Variants in SNX18 observed in about 807,000 individuals in gnomAD.
SNX18 encodes the protein sorting nexin-18.
Under a neutral mutation model 48.7 loss-of-function variants are expected in SNX18, and 35 were observed. The ratio of observed to expected loss-of-function variants is 0.72; its 90% CI spans 0.55 to 0.95. SNX18 has a LOEUF of 0.95. Ranked by LOEUF, SNX18 falls within the 40% of genes least tolerant of loss-of-function variation. The probability of loss-of-function intolerance (pLI) is 0.00; values close to 1 mark genes in which losing one functional copy is unlikely to be tolerated. For missense variants in SNX18, 824 were observed against 871.0 expected (o/e 0.95, Z 0.68); for synonymous variants, 492 against 384.7 (o/e 1.28, Z -3.26).
chr5:54,623,405 T>C, the SNX18 span, among the ~76,000 whole-genome samples: 1 of 152,086 alleles, frequency 6.6e-6, no homozygotes, highest in East Asian at 1.9e-4. Context: ...CAGGAGGCAG[T>C]GTAGCCCAGC....
the SNX18 span, among the ~76,000 whole-genome samples, chr5:54,561,097 C>T: frequency 6.6e-6 from 1 of 152,220 alleles, no homozygotes; most frequent in Non-Finnish European, 1.5e-5. Flanking sequence ...GGCTGGAGGG[C>T]AATGTCATGA....
At chr5:54,519,911 T>A in intron 1 of SNX18, 1 of 1,265,694 alleles carries the variant, frequency 7.9e-7, no homozygotes, top group Non-Finnish European at 1.1e-6. Context: ...GAAGGGGACC[T>A]AAACCATGTT....
At chr5:54,580,791 A>AG in the SNX18 span, among the ~76,000 whole-genome samples, 237 of 152,378 alleles carry the variant, frequency 1.6e-3, 1 homozygote, top group African/African-American at 5.4e-3. Flanking sequence ...TCATAAACAG[A>AG]GGCATTCCTG....
chr5:54,523,654 G>A (rs548974069), intron 1 of SNX18, among the ~76,000 whole-genome samples: 4 of 152,224 alleles, frequency 2.6e-5, no homozygotes, highest in East Asian at 1.9e-4. Context: ...CTACTTCATC[G>A]CTCTCTAAAT....
At chr5:54,623,991 C>G in the SNX18 span, among the ~76,000 whole-genome samples, 4 of 152,090 alleles carry the variant, frequency 2.6e-5, no homozygotes, top group African/African-American at 7.2e-5. Flanking sequence ...AAAGTGTGCT[C>G]AGTTCATTAT....
the SNX18 span, among the ~76,000 whole-genome samples, chr5:54,642,382 G>GTT: frequency 3.4e-5 from 5 of 146,072 alleles, no homozygotes; most frequent in African/African-American, 7.5e-5. Context: ...GTTATGTTGG[G>GTT]TTTTTTTTTT....
the SNX18 span, chr5:54,643,696 T>C: frequency 2.0e-5 from 3 of 152,338 alleles, no homozygotes; most frequent in South Asian, 6.2e-4. Flanking sequence ...TCCTTTCCTG[T>C]TGTTGCTGAT....
At chr5:54,519,672 T>C (rs1317641666) in intron 1 of SNX18, 99 bp downstream of exon 1, 1 of 1,614,210 alleles carries the variant, frequency 6.2e-7, no homozygotes, top group Non-Finnish European at 8.5e-7. Context: ...AGAATCATAT[T>C]CTACAGGTGA....
the SNX18 span, among the ~76,000 whole-genome samples, chr5:54,635,497 TGCATTTCCTG>T: frequency 6.6e-6 from 1 of 152,184 alleles, no homozygotes; most frequent in Non-Finnish European, 1.5e-5. Flanking sequence ...TTTTCCCTGG[TGCATTTCCTG>T]GCATTTTTTT....
the SNX18 span, among the ~76,000 whole-genome samples, chr5:54,627,773 C>A: frequency 0.16 from 24,327 of 152,136 alleles, 2,390 homozygotes; most frequent in Middle Eastern, 0.22. Flanking sequence ...TGACCACTGG[C>A]CAAGCCATGC....
the SNX18 span, among the ~76,000 whole-genome samples, chr5:54,599,859 G>A: frequency 3.3e-5 from 5 of 152,112 alleles, no homozygotes; most frequent in Admixed American, 1.3e-4. Flanking sequence ...AGACTTAAAT[G>A]TCAAACGCAA....
chr5:54,607,504 A>G, the SNX18 span, among the ~76,000 whole-genome samples: 1 of 152,206 alleles, frequency 6.6e-6, no homozygotes, highest in Non-Finnish European at 1.5e-5. Context: ...GAATGGCTAC[A>G]ATAACATAAT....
At chr5:54,619,504 CCT>C in the SNX18 span, among the ~76,000 whole-genome samples, 1 of 151,988 alleles carries the variant, frequency 6.6e-6, no homozygotes, top group Non-Finnish European at 1.5e-5. Context: ...AGAGCAAGAC[CCT>C]GTCTCAAAAA....
chr5:54,630,208 G>T, the SNX18 span, among the ~76,000 whole-genome samples: 1 of 152,204 alleles, frequency 6.6e-6, no homozygotes, highest in African/African-American at 2.4e-5. Context: ...TGTGAACATG[G>T]TAGGGAAAAT....
chr5:54,541,409 AATT>A (rs1358888935), intron 1 of SNX18, among the ~76,000 whole-genome samples: 1 of 152,172 alleles, frequency 6.6e-6, no homozygotes, highest in Non-Finnish European at 1.5e-5. Context: ...TTTTGCAATA[AATT>A]ATTATTAATT....
chr5:54,548,696 TAAC>T (rs1209681345), downstream of SNX18, among the ~76,000 whole-genome samples: 1 of 152,226 alleles, frequency 6.6e-6, no homozygotes, highest in Non-Finnish European at 1.5e-5. Flanking sequence ...TGGGAGATGA[TAAC>T]AATTTTAGAA....
At chr5:54,592,791 G>C in the SNX18 span, among the ~76,000 whole-genome samples, 8 of 151,352 alleles carry the variant, frequency 5.3e-5, no homozygotes, top group African/African-American at 1.7e-4. Context: ...CCTTACCCTA[G>C]AAAAATCACA....
the SNX18 span, among the ~76,000 whole-genome samples, chr5:54,614,054 G>A: frequency 6.6e-6 from 1 of 152,214 alleles, no homozygotes; most frequent in Non-Finnish European, 1.5e-5. Context: ...ATATGGTTGG[G>A]ATAATTTTGA....
chr5:54,568,330 T>A, the SNX18 span, among the ~76,000 whole-genome samples: 1 of 152,202 alleles, frequency 6.6e-6, no homozygotes, highest in Non-Finnish European at 1.5e-5. Context: ...AGAAACAACA[T>A]TGGCAGTCCA....
Sources: gnomAD v4.1 joint callset for allele counts (sites outside exome capture counted in the v4.1 genomes callset) on GRCh38, gnomAD v4.1.1 for gene constraint, MANE v1.5 for transcripts, NCBI Gene and HGNC (gene_info 2026-07-23, HGNC 2026-07-21) for gene names.